AKR1E2: variants seen among roughly 807,000 people sequenced by gnomAD.
AKR1E2 encodes the protein 1,5-anhydro-D-fructose reductase.
AKR1E2 carries 43 observed loss-of-function variants against 41.9 expected under a neutral mutation model. That is an observed-to-expected ratio of 1.03 (90% CI 0.80 to 1.32). The LOEUF (loss-of-function observed/expected upper bound fraction) is 1.32, where lower values mean the gene tolerates loss of function less well. Among genes scored for constraint, AKR1E2 ranks in the 40% most tolerant of loss-of-function variants. The pLI is 0.00. For synonymous variants in AKR1E2, 121 were observed against 138.9 expected, an observed-to-expected ratio of 0.87 and a Z score of 0.91; for missense variants, 423 against 396.5, an observed-to-expected ratio of 1.07 and a Z score of -0.57.
At chr10:4,835,585 G>T in intron 3 of AKR1E2, 90 bp from the exon 4 acceptor site, 1 of 1,481,780 alleles carries the variant, frequency 6.7e-7, no homozygotes, top group South Asian at 1.3e-5. Flanking sequence ...TAGTGACAGG[G>T]CTGTGGCTTG....
chr10:4,859,401 A>C, the AKR1E2 span, among the ~76,000 whole-genome samples: 1 of 152,256 alleles, frequency 6.6e-6, no homozygotes, highest in Admixed American at 6.5e-5. Context: ...GACATGGCAC[A>C]GGATATACTG....
rs942761744 is a variant in AKR1E2, at chr10:4,847,587, T to C, written c.*57T>C. 48 of 1,584,296 alleles carry C rather than the reference T, an allele frequency of 3.0e-5. No individual in the cohort carries two copies. Among genetic ancestry groups the C allele is most frequent in the Middle Eastern group, 3.3e-4 (2 of 5,988 alleles). On this transcript the variant is annotated 3_prime_UTR_variant, in exon 10 of 10. Transcript: ENST00000298375. ...CCAGATGCACAGACACTATTGGCAA[T>C]GTTGACCCTCCTCTGTCATCACAGC...
the AKR1E2 span, among the ~76,000 whole-genome samples, chr10:4,862,927 G>A: frequency 4.0e-5 from 6 of 151,506 alleles, no homozygotes; most frequent in African/African-American, 1.5e-4. Context: ...AAATACATAT[G>A]CACCCAATGT....
rs1192696081 is a variant in AKR1E2 at position 4,839,735 on chromosome 10, T to C, written c.589T>C (p.Cys197Arg). The C allele has an allele frequency of 6.2e-7, 1 of 1,613,704 alleles. No individual in the cohort carries two copies. Among genetic ancestry groups the C allele is most frequent in the Admixed American group, 1.7e-5 (1 of 60,032 alleles). Residue 197 changes from cysteine to arginine, a missense_variant, in exon 6 of 10, where the codon TGC becomes CGC. Physicochemically the swap from Cys to Arg is radical, Grantham distance 180. Transcript: ENST00000298375. Reference sequence around the variant, plus strand: ...AGCTATGATTCTGTTATAGATTGAGTGCCACCCATATCTTACTCAGAAGAA... The same window carrying C: ...AGCTATGATTCTGTTATAGATTGAGCGCCACCCATATCTTACTCAGAAGAA... Reference protein sequence around the residue: ...RFKPLTNQIECHPYLTQKNLI... With the variant: ...RFKPLTNQIERHPYLTQKNLI...
intron 1 of AKR1E2, among the ~76,000 whole-genome samples, chr10:4,828,898 C>T (rs531378248): frequency 1.5e-4 from 23 of 152,328 alleles, no homozygotes; most frequent in East Asian, 5.8e-4. Context: ...ATATTCATTA[C>T]ACTTCCAGCC....
intron 6 of AKR1E2, among the ~76,000 whole-genome samples, chr10:4,840,612 C>A (rs1241722221): frequency 6.6e-6 from 1 of 152,216 alleles, no homozygotes; most frequent in East Asian, 1.9e-4. Flanking sequence ...TCATTCCTTC[C>A]CATCCCTGTG....
At chr10:4,860,078 A>G in the AKR1E2 span, among the ~76,000 whole-genome samples, 2 of 152,144 alleles carry the variant, frequency 1.3e-5, no homozygotes, top group Non-Finnish European at 2.9e-5. Context: ...TGACTATTAT[A>G]TTTCTACTGG....
chr10:4,836,655 C>T (rs1372446582), intron 4 of AKR1E2, among the ~76,000 whole-genome samples: 3 of 152,224 alleles, frequency 2.0e-5, no homozygotes. Flanking sequence ...CAATAGAAGA[C>T]AAAGACTGAC....
rs1466567019 is a variant in AKR1E2 at position 4,842,629 on chromosome 10, C to T, written c.837+125C>T. On this transcript the variant is annotated intron_variant, in intron 8 of 9. Coordinates refer to ENST00000298375, the MANE Select transcript of AKR1E2 (RefSeq NM_001040177.3). ...TGCAACAGGGGCTTCTCCCTCTGCA[C>T]TGTGGGTGTTGGTGGTTGACCTTCC... 9 of 794,156 alleles carry T rather than the reference C, an allele frequency of 1.1e-5. No individual in the cohort carries two copies. The East Asian group carries it at 1.8e-4, about 16-fold the overall frequency. 49.2% of individuals were successfully genotyped at this position (794,156 alleles called of 1,614,324 possible). A position where few individuals can be genotyped will look rare whatever the true frequency, so the allele number is the denominator to read the frequency against.
intron 1 of AKR1E2, among the ~76,000 whole-genome samples, chr10:4,828,032 C>A (rs115008408): frequency 0.016 from 2,471 of 152,324 alleles, 69 homozygotes; most frequent in African/African-American, 0.057. Context: ...CTGGTCTATG[C>A]AAAGGCTTAT....
the AKR1E2 span, among the ~76,000 whole-genome samples, chr10:4,866,201 T>G: frequency 6.6e-6 from 1 of 152,220 alleles, no homozygotes; most frequent in African/African-American, 2.4e-5. Flanking sequence ...GAGACAGATT[T>G]TATGTTTGAA....
chr10:4,830,331 T>A (rs1832872213), intron 1 of AKR1E2, among the ~76,000 whole-genome samples: 1 of 150,602 alleles, frequency 6.6e-6, no homozygotes, highest in African/African-American at 2.4e-5. Flanking sequence ...GGTATCTGAG[T>A]ATACAGGATA....
In AKR1E2 at chr10:4,839,778, A is replaced by G. The variant is rs963024203; in HGVS notation, c.632A>G (p.Gln211Arg). 7 of 1,614,068 alleles carry G rather than the reference A, an allele frequency of 4.3e-6. No homozygotes were observed. The South Asian group carries it at 7.7e-5, about 18-fold the overall frequency. Residue 211 changes from glutamine to arginine, a missense_variant, in exon 6 of 10, where the codon CAA (glutamine) becomes CGA (arginine). Transcript: ENST00000298375. ...LTQKNLISFC[Q>R]SRDVSVTAYR... The stretch of plus-strand genomic sequence containing the variant: ...CAGAAGAATCTGATCAGTTTTTGCC[A>G]ATCCAGAGATGTGTCCGTGACTGCT...
chr10:4,826,464 G>T, intron 1 of AKR1E2, 101 bp downstream of exon 1: 1 of 1,089,420 alleles, frequency 9.2e-7, no homozygotes, highest in East Asian at 3.2e-5. Flanking sequence ...AAGTGCGGCG[G>T]CCTCCCCTCC....
chr10:4,830,370 T>C (rs910006075), intron 1 of AKR1E2, among the ~76,000 whole-genome samples: 1 of 152,214 alleles, frequency 6.6e-6, no homozygotes, highest in African/African-American at 2.4e-5. Flanking sequence ...ATCTCAGTTA[T>C]TATTCATTCT....
At chr10:4,866,645 GTTTTTTTTTTT>G in the AKR1E2 span, among the ~76,000 whole-genome samples, 7 of 119,198 alleles carry the variant, frequency 5.9e-5, no homozygotes, top group African/African-American at 1.8e-4. Context: ...TTTTGTTTTT[GTTTTTTTTTTT>G]TTTTGAGATG....
the AKR1E2 span, among the ~76,000 whole-genome samples, chr10:4,858,333 A>G: frequency 6.6e-6 from 1 of 152,236 alleles, no homozygotes; most frequent in Non-Finnish European, 1.5e-5. Flanking sequence ...CTGTTTTTAT[A>G]TAGACCCACT....
chr10:4,856,188 T>C, the AKR1E2 span, among the ~76,000 whole-genome samples: 3 of 152,252 alleles, frequency 2.0e-5, no homozygotes, highest in East Asian at 5.8e-4. Flanking sequence ...CATGGGAATG[T>C]AGATTTTTCT....
chr10:4,841,964 G>C, intron 7 of AKR1E2, 107 bp downstream of exon 7: 2 of 973,820 alleles, frequency 2.1e-6, no homozygotes, highest in Non-Finnish European at 3.0e-6. Flanking sequence ...GCTCACCCAG[G>C]TGAGTCCATG....
Sources: allele counts gnomAD v4.1 joint callset (sites outside exome capture counted in the v4.1 genomes callset), GRCh38; gene constraint gnomAD v4.1.1; transcripts MANE v1.5; gene names NCBI Gene and HGNC (gene_info 2026-07-23, HGNC 2026-07-21).